Variants in CAAP1 observed in about 807,000 individuals in gnomAD.
CAAP1 encodes the protein caspase activity and apoptosis inhibitor 1, also known as conserved anti-apoptotic protein.
A neutral mutation model predicts 34.0 loss-of-function variants in CAAP1; 20 were observed. That is an observed-to-expected ratio of 0.59 (90% confidence interval 0.41 to 0.86). CAAP1 has a LOEUF of 0.86. Among genes scored for constraint, CAAP1 ranks in the 40% least tolerant of loss-of-function variants. CAAP1 has a pLI of 0.00. For synonymous variants in CAAP1, 213 were observed against 166.7 expected, an observed-to-expected ratio of 1.28 and a Z score of -2.14; for missense variants, 538 against 450.5, an observed-to-expected ratio of 1.19 and a Z score of -1.76.
chr9:26,851,360 C>T (rs1822747122), intron 5 of CAAP1, among the ~76,000 whole-genome samples: 1 of 152,034 alleles, frequency 6.6e-6, no homozygotes, highest in African/African-American at 2.4e-5. Flanking sequence ...ACAGAATGGG[C>T]ACAAGCAAAA....
chr9:26,858,869 G>T (rs920745957), intron 5 of CAAP1, among the ~76,000 whole-genome samples: 2 of 150,654 alleles, frequency 1.3e-5, no homozygotes, highest in African/African-American at 4.9e-5. Context: ...ATGGTGGCAG[G>T]TGCCTGTAGT....
rs149224304 is a variant in CAAP1 at position 26,842,447 on chromosome 9, T to G, written c.940A>C (p.Asn314His). 2.0e-5 allele frequency: 33 copies of G among 1,614,048 alleles called. No homozygotes were observed. Among genetic ancestry groups the G allele is most frequent in the Non-Finnish European group, 2.8e-5 (33 of 1,180,046 alleles). The change falls in exon 6 of 6, where the codon AAC (asparagine) becomes CAC (histidine). Residue 314 changes from asparagine (N) to histidine (H), a missense_variant. Around this residue, in one of 3 missense-constraint regions of CAAP1, gnomAD observed 514 missense variants for 408.4 expected, o/e 1.26. Transcript: ENST00000333916. ...GCCAGGGTGGCTGCTTTGGGTTCGT[T>G]TGGGCTAGACTCTGCCAGTCCTAGA... ...EILGLAESSPNEPKAATLAVP... is the reference protein window; with the variant it reads ...EILGLAESSPHEPKAATLAVP...
intron 5 of CAAP1, among the ~76,000 whole-genome samples, chr9:26,851,730 C>A (rs1276387855): frequency 1.3e-5 from 2 of 152,138 alleles, no homozygotes; most frequent in Non-Finnish European, 2.9e-5. Context: ...AATGAAAATA[C>A]CCAAAAGGGA....
chr9:26,865,971 C>T (rs568845481), intron 4 of CAAP1, among the ~76,000 whole-genome samples: 84 of 152,240 alleles, frequency 5.5e-4, no homozygotes, highest in Middle Eastern at 3.4e-3. Flanking sequence ...CTCAGCCACC[C>T]GAGTAGCTGG....
intron 5 of CAAP1, among the ~76,000 whole-genome samples, chr9:26,845,795 T>C (rs1429324775): frequency 1.3e-5 from 2 of 152,264 alleles, no homozygotes; most frequent in Non-Finnish European, 2.9e-5. Flanking sequence ...GACTCTCTTC[T>C]TCCCTTTTCT....
chr9:26,866,787 A>G (rs745564959), intron 4 of CAAP1, among the ~76,000 whole-genome samples: 25 of 152,144 alleles, frequency 1.6e-4, no homozygotes, highest in Non-Finnish European at 2.6e-4. Flanking sequence ...GTGACTGAAA[A>G]ACAATAAAAA....
intron 1 of CAAP1, among the ~76,000 whole-genome samples, chr9:26,890,618 TAA>T (rs1312463867): frequency 6.6e-6 from 1 of 151,802 alleles, no homozygotes; most frequent in Non-Finnish European, 1.5e-5. Context: ...ATTACAAAAA[TAA>T]AAACTACAGT....
chr9:26,861,149 G>A lies in CAAP1; in HGVS notation c.666-10C>T. On this transcript the variant is annotated splice_polypyrimidine_tract_variant and intron_variant, in intron 4 of 5. Coordinates refer to ENST00000333916, the MANE Select transcript of CAAP1 (RefSeq NM_024828.4). Reference sequence around the variant, plus strand: ...TATACAGATGTCTTGCCTGGGAAATGAAAATAAGATCAACCTTTAAAACTA... The same window carrying A: ...TATACAGATGTCTTGCCTGGGAAATAAAAATAAGATCAACCTTTAAAACTA... 6.3e-7 allele frequency: 1 copy of A among 1,584,646 alleles called. No individual in the cohort carries two copies. Among genetic ancestry groups the A allele is most frequent in the Non-Finnish European group, 8.7e-7 (1 of 1,155,136 alleles).
In CAAP1 at chr9:26,892,752, G is replaced by A. The variant is rs1054725263; in HGVS notation, c.-37C>T. ...TGCAACCATCGGAGGAAAGTCCGCT[G>A]TCTCTGGTGCGACCGAAGCCCGACT... On this transcript the variant is annotated 5_prime_UTR_variant, in exon 1 of 6. Transcript: ENST00000333916. The A allele has an allele frequency of 1.4e-5, 21 of 1,537,582 alleles. No homozygotes were observed. The highest frequency in any genetic ancestry group is 1.7e-5 in the Non-Finnish European group (20 of 1,146,898).
rs267602204 is a variant in CAAP1 at position 26,892,696 on chromosome 9, G to T, written c.20C>A (p.Ser7Tyr). MTGKKS[S>Y]REKRRKRSSQ... ...GCTACGTTTGCGCCGTTTCTCCCGG[G>T]AGGACTTTTTCCCCGTCATGATCCC... Residue 7 changes from serine (S) to tyrosine (Y), a missense_variant, in exon 1 of 6, where the codon TCC (serine) becomes TAC (tyrosine). Ser to Tyr is a moderately radical substitution (Grantham distance 144, BLOSUM62 -2). Around this residue, in one of 3 missense-constraint regions of CAAP1, gnomAD observed 514 missense variants for 408.4 expected, o/e 1.26. Coordinates refer to ENST00000333916, the MANE Select transcript of CAAP1 (RefSeq NM_024828.4). The T allele has an allele frequency of 1.2e-6, 2 of 1,600,148 alleles. No individual in the cohort carries two copies. Among genetic ancestry groups the T allele is most frequent in the Admixed American group, 1.7e-5 (1 of 59,460 alleles).
chr9:26,876,422 G>C (rs12336610), intron 4 of CAAP1, among the ~76,000 whole-genome samples: 6,360 of 149,052 alleles, frequency 0.043, 463 homozygotes, highest in African/African-American at 0.15. Context: ...ATCTGGATAT[G>C]TCTTGGGTGA....
chr9:26,848,806 T>TTA (rs1317084840), intron 5 of CAAP1, among the ~76,000 whole-genome samples: 1 of 152,246 alleles, frequency 6.6e-6, no homozygotes, highest in African/African-American at 2.4e-5. Flanking sequence ...AATAAAATGT[T>TTA]TAGAGTGTTG....
In CAAP1 at chr9:26,884,810, T is replaced by C. The variant is rs1424130672; in HGVS notation, c.665A>G (p.Gln222Arg). 3 of 1,602,584 alleles carry C rather than the reference T, an allele frequency of 1.9e-6. No individual in the cohort carries two copies. The highest frequency in any genetic ancestry group is 3.4e-5 in the Admixed American group (2 of 59,554). The change falls in exon 4 of 6, where the codon CAG (glutamine) becomes CGG (arginine). Residue 222 changes from glutamine to arginine, a missense_variant and splice_region_variant. Gln to Arg is a conservative substitution (Grantham distance 43, BLOSUM62 1). Coordinates refer to ENST00000333916, the MANE Select transcript of CAAP1 (RefSeq NM_024828.4). The stretch of plus-strand genomic sequence containing the variant: ...TAAAAATGAAAGTTTTTAAACTTAC[T>C]GACTGACTAAATCAGATCCCATCTT... ...GSKMGSDLVSQQDICIDSASS... is the reference protein window; with the variant it reads ...GSKMGSDLVSRQDICIDSASS...
At chr9:26,880,039 T>G (rs539197728) in intron 4 of CAAP1, 1 of 188,344 alleles carries the variant, frequency 5.3e-6, no homozygotes, top group South Asian at 8.0e-5. Context: ...ACAGGTATCT[T>G]TTGACTCTAT....
chr9:26,845,264 G>T (rs1486972881), intron 5 of CAAP1, among the ~76,000 whole-genome samples: 1 of 152,086 alleles, frequency 6.6e-6, no homozygotes, highest in Admixed American at 6.5e-5. Context: ...AATATTTGTT[G>T]AATTATACTC....
At chr9:26,844,411 T>C (rs934594768) in intron 5 of CAAP1, among the ~76,000 whole-genome samples, 11 of 152,232 alleles carry the variant, frequency 7.2e-5, no homozygotes, top group Non-Finnish European at 1.0e-4. Flanking sequence ...AAATTAACTT[T>C]AGTGTCTCCG....
At chr9:26,878,813 TA>T (rs113897425) in intron 4 of CAAP1, among the ~76,000 whole-genome samples, 3,636 of 143,100 alleles carry the variant, frequency 0.025, 131 homozygotes, top group African/African-American at 0.082. Context: ...AGACAGTGTC[TA>T]AAAAAAAAAA....
At chr9:26,876,032 C>T (rs889514522) in intron 4 of CAAP1, among the ~76,000 whole-genome samples, 2 of 152,168 alleles carry the variant, frequency 1.3e-5, no homozygotes, top group Non-Finnish European at 2.9e-5. Flanking sequence ...TATTTATCCT[C>T]ATACAGTTCT....
At chr9:26,887,658 G>A in intron 1 of CAAP1, 145 bp from the exon 2 acceptor site, 1 of 581,850 alleles carries the variant, frequency 1.7e-6, no homozygotes, top group Non-Finnish European at 2.9e-6. Flanking sequence ...CAAAACCATA[G>A]GAGAGAATAT....
Sources: allele counts gnomAD v4.1 joint callset (sites outside exome capture counted in the v4.1 genomes callset), GRCh38; gene constraint gnomAD v4.1.1; regional missense constraint gnomAD v4.1.1; transcripts MANE v1.5; gene names NCBI Gene and HGNC (gene_info 2026-07-23, HGNC 2026-07-21).